DCC: variants seen among roughly 807,000 people sequenced by gnomAD.
The protein encoded by DCC is DCC netrin 1 receptor.
DCC carries 58 observed loss-of-function variants against 172.5 expected under a neutral mutation model. That is an observed-to-expected ratio of 0.34 (90% CI 0.27 to 0.42). DCC has a LOEUF of 0.42. Among genes scored for constraint, DCC ranks in the 10% least tolerant of loss-of-function variants. DCC has a pLI of 1.00. For synonymous variants in DCC, 709 were observed against 644.5 expected, an observed-to-expected ratio of 1.10 and a Z score of -1.52; for missense variants, 1,740 against 1,791.0, an observed-to-expected ratio of 0.97 and a Z score of 0.51.
At chr18:52,351,450 A>C (rs1393920405) in intron 1 of DCC, among the ~76,000 whole-genome samples, 1 of 152,146 alleles carries the variant, frequency 6.6e-6, no homozygotes, top group African/African-American at 2.4e-5. Context: ...ATTAGATGTG[A>C]ATTTATGAAC....
At chr18:52,474,073 T>A (rs1989020635) in intron 1 of DCC, among the ~76,000 whole-genome samples, 1 of 152,144 alleles carries the variant, frequency 6.6e-6, no homozygotes, top group African/African-American at 2.4e-5. Context: ...AACTGCAATG[T>A]CTCTAAGGTT....
At chr18:52,376,377 T>A (rs1295937835) in intron 1 of DCC, among the ~76,000 whole-genome samples, 5 of 152,162 alleles carry the variant, frequency 3.3e-5, no homozygotes, top group Admixed American at 1.3e-4. Context: ...AGAATTTAAT[T>A]GGAGGAGGAG....
chr18:52,822,273 T>C (rs1008512587), intron 2 of DCC, among the ~76,000 whole-genome samples: 20 of 152,176 alleles, frequency 1.3e-4, no homozygotes, highest in Admixed American at 1.1e-3. Flanking sequence ...ACCACTGAAA[T>C]GCAGTAGCTC....
chr18:53,322,480 C>T (rs1052253581), intron 14 of DCC, among the ~76,000 whole-genome samples: 5 of 152,042 alleles, frequency 3.3e-5, no homozygotes, highest in Non-Finnish European at 7.4e-5. Flanking sequence ...ATTTCGTTCA[C>T]AAGAATTAGT....
intron 1 of DCC, among the ~76,000 whole-genome samples, chr18:52,640,196 C>T (rs1193303843): frequency 6.6e-6 from 1 of 152,052 alleles, no homozygotes; most frequent in Non-Finnish European, 1.5e-5. Flanking sequence ...AATTGGCATA[C>T]AAGGGACATA....
chr18:53,213,897 A>AT (rs1568369298), intron 11 of DCC, among the ~76,000 whole-genome samples: 3 of 150,802 alleles, frequency 2.0e-5, no homozygotes, highest in African/African-American at 7.3e-5. Flanking sequence ...CTTTAACTTA[A>AT]AAATTTACAA....
intron 1 of DCC, among the ~76,000 whole-genome samples, chr18:52,367,050 C>T (rs1041433928): frequency 1.3e-5 from 2 of 152,202 alleles, no homozygotes; most frequent in African/African-American, 2.4e-5. Flanking sequence ...CCCTGCCCCG[C>T]GGGAAGGCAG....
chr18:53,198,476 A>C (rs1015241255), intron 9 of DCC, among the ~76,000 whole-genome samples: 4 of 152,000 alleles, frequency 2.6e-5, no homozygotes, highest in African/African-American at 7.2e-5. Flanking sequence ...ACATACAGAC[A>C]CACACATGCA....
intron 3 of DCC, among the ~76,000 whole-genome samples, chr18:52,915,279 T>G (rs899949786): frequency 4.6e-5 from 7 of 152,132 alleles, no homozygotes; most frequent in African/African-American, 1.7e-4. Flanking sequence ...CAGGATACAT[T>G]TGATCACATC....
intron 15 of DCC, among the ~76,000 whole-genome samples, chr18:53,382,910 AC>A (rs1247624645): frequency 1.1e-4 from 16 of 152,166 alleles, no homozygotes; most frequent in African/African-American, 3.9e-4. Flanking sequence ...TATGAAGAAA[AC>A]TCAATCAGAT....
intron 2 of DCC, among the ~76,000 whole-genome samples, chr18:52,841,082 G>A (rs562556244): frequency 7.9e-5 from 12 of 152,252 alleles, no homozygotes; most frequent in African/African-American, 2.6e-4. Context: ...ATGAGGAGAA[G>A]TAGTCATTCA....
intron 2 of DCC, among the ~76,000 whole-genome samples, chr18:52,902,637 C>G (rs1029380485): frequency 6.6e-6 from 1 of 152,120 alleles, no homozygotes; most frequent in African/African-American, 2.4e-5. Context: ...TATTCATGCA[C>G]ATACCTTGAA....
chr18:52,998,060 A>G (rs952957378), intron 5 of DCC, among the ~76,000 whole-genome samples: 5 of 152,088 alleles, frequency 3.3e-5, no homozygotes, highest in African/African-American at 1.2e-4. Flanking sequence ...TGTCCAATGC[A>G]GTAGCCGTTA....
chr18:52,683,763 C>T (rs115234783), intron 1 of DCC, among the ~76,000 whole-genome samples: 24 of 152,078 alleles, frequency 1.6e-4, no homozygotes, highest in African/African-American at 5.3e-4. Context: ...TTTGCATAAC[C>T]CATAGTTTGG....
intron 17 of DCC, among the ~76,000 whole-genome samples, chr18:53,396,811 A>G (rs1908974136): frequency 6.6e-6 from 1 of 152,218 alleles, no homozygotes; most frequent in Non-Finnish European, 1.5e-5. Context: ...TATGCCAAAA[A>G]AACCACAGAT....
chr18:52,983,157 G>A (rs959570060), intron 5 of DCC, among the ~76,000 whole-genome samples: 2 of 152,166 alleles, frequency 1.3e-5, no homozygotes, highest in African/African-American at 4.8e-5. Flanking sequence ...AAAGTAAGAG[G>A]TGAAGGGGCA....
chr18:52,422,202 A>G (rs1173029717), intron 1 of DCC, among the ~76,000 whole-genome samples: 1 of 152,218 alleles, frequency 6.6e-6, no homozygotes, highest in Non-Finnish European at 1.5e-5. Context: ...AATGACAAAT[A>G]AATGTTTGAT....
chr18:52,904,421 G>A (rs372857614), intron 2 of DCC, among the ~76,000 whole-genome samples: 1 of 152,154 alleles, frequency 6.6e-6, no homozygotes, highest in Admixed American at 6.5e-5. Context: ...CTTCACTTAG[G>A]GAGGGAAAGT....
intron 1 of DCC, among the ~76,000 whole-genome samples, chr18:52,721,519 A>G (rs1234419182): frequency 6.6e-6 from 1 of 152,198 alleles, no homozygotes; most frequent in Non-Finnish European, 1.5e-5. Context: ...TGTGAAGCCA[A>G]CTTTTAACTC....
Sources: allele counts gnomAD v4.1 joint callset (sites outside exome capture counted in the v4.1 genomes callset), GRCh38; gene constraint gnomAD v4.1.1; transcripts MANE v1.5; gene names NCBI Gene and HGNC (gene_info 2026-07-23, HGNC 2026-07-21).